CSRNP3: variants seen among roughly 807,000 people sequenced by gnomAD.
CSRNP3 encodes the protein cysteine/serine-rich nuclear protein 3.
A neutral mutation model predicts 48.0 loss-of-function variants in CSRNP3; 12 were observed. The ratio of observed to expected loss-of-function variants is 0.25; its 90% CI spans 0.16 to 0.41. CSRNP3 has a LOEUF of 0.41. Ranked by LOEUF, CSRNP3 falls within the 10% of genes least tolerant of loss-of-function variation. CSRNP3 has a pLI of 1.00. For missense variants in CSRNP3, 580 were observed against 724.4 expected (o/e 0.80, Z 2.29); for synonymous variants, 263 against 269.7 (o/e 0.98, Z 0.24).
chr2:165,656,383 T>C (rs1404835016), intron 4 of CSRNP3, among the ~76,000 whole-genome samples: 1 of 152,214 alleles, frequency 6.6e-6, no homozygotes, highest in Non-Finnish European at 1.5e-5. Flanking sequence ...TGCATCTTGA[T>C]GTTCCTGTAA....
At chr2:165,512,487 A>G (rs957560872) in intron 2 of CSRNP3, among the ~76,000 whole-genome samples, 4 of 152,242 alleles carry the variant, frequency 2.6e-5, no homozygotes, top group Non-Finnish European at 5.9e-5. Flanking sequence ...GGAAGAATCC[A>G]TGGTGACCAC....
intron 3 of CSRNP3, among the ~76,000 whole-genome samples, chr2:165,575,163 T>G (rs1685428315): frequency 6.6e-6 from 1 of 152,212 alleles, no homozygotes; most frequent in South Asian, 2.1e-4. Context: ...AAAGTCTTCT[T>G]TCCATGCACG....
intron 3 of CSRNP3, among the ~76,000 whole-genome samples, chr2:165,540,076 GC>G (rs1684933817): frequency 6.6e-6 from 1 of 152,056 alleles, no homozygotes; most frequent in African/African-American, 2.4e-5. Context: ...AGACTCTCCA[GC>G]CCAAACCTCT....
intron 4 of CSRNP3, among the ~76,000 whole-genome samples, chr2:165,654,769 G>A (rs768208482): frequency 1.7e-4 from 26 of 152,174 alleles, no homozygotes; most frequent in Non-Finnish European, 3.2e-4. Flanking sequence ...AGCTGGGATT[G>A]CAGGCGTGAG....
intron 2 of CSRNP3, among the ~76,000 whole-genome samples, chr2:165,503,021 A>T (rs1462784840): frequency 2.0e-5 from 3 of 151,896 alleles, no homozygotes; most frequent in Non-Finnish European, 2.9e-5. Context: ...TTATAATATT[A>T]AGGATTAGTT....
At chr2:165,602,321 C>G (rs979983473) in intron 4 of CSRNP3, among the ~76,000 whole-genome samples, 2 of 152,070 alleles carry the variant, frequency 1.3e-5, no homozygotes, top group African/African-American at 2.4e-5. Flanking sequence ...GATAAAGGTG[C>G]CTCTGAAAAT....
chr2:165,552,969 C>T (rs551421536), intron 3 of CSRNP3, among the ~76,000 whole-genome samples: 2 of 152,268 alleles, frequency 1.3e-5, no homozygotes, highest in East Asian at 3.9e-4. Context: ...GCTGGGATTA[C>T]AGGTGTGAGC....
At chr2:165,574,106 T>G in intron 3 of CSRNP3, 2 of 468,422 alleles carry the variant, frequency 4.3e-6, no homozygotes. Flanking sequence ...CCCCATCCTG[T>G]ATTCCTGCTC....
chr2:165,567,542 A>G (rs1685314016), intron 3 of CSRNP3, among the ~76,000 whole-genome samples: 1 of 152,098 alleles, frequency 6.6e-6, no homozygotes, highest in South Asian at 2.1e-4. Flanking sequence ...TTAAGCTAAC[A>G]TCTGCTGCTT....
intron 3 of CSRNP3, among the ~76,000 whole-genome samples, chr2:165,572,998 T>G (rs1685395402): frequency 6.6e-6 from 1 of 152,108 alleles, no homozygotes; most frequent in African/African-American, 2.4e-5. Flanking sequence ...AGATAATATA[T>G]CATTCAAAAT....
At chr2:165,549,043 T>G (rs1685066263) in intron 3 of CSRNP3, among the ~76,000 whole-genome samples, 1 of 150,918 alleles carries the variant, frequency 6.6e-6, no homozygotes, top group Non-Finnish European at 1.5e-5. Flanking sequence ...AAGGTTATTA[T>G]AGCTTATTTG....
chr2:165,527,731 G>A (rs13386996), intron 3 of CSRNP3, among the ~76,000 whole-genome samples: 14,757 of 152,058 alleles, frequency 0.097, 955 homozygotes, highest in Middle Eastern at 0.14. Flanking sequence ...TGAAGGGATG[G>A]ACAATCATAA....
At chr2:165,638,769 A>T (rs1465596072) in intron 4 of CSRNP3, among the ~76,000 whole-genome samples, 1 of 152,172 alleles carries the variant, frequency 6.6e-6, no homozygotes, top group South Asian at 2.1e-4. Context: ...TTTGAATGTT[A>T]TTTTTTGTCA....
intron 3 of CSRNP3, among the ~76,000 whole-genome samples, chr2:165,568,391 T>C (rs1685324402): frequency 6.6e-6 from 1 of 152,064 alleles, no homozygotes; most frequent in Admixed American, 6.6e-5. Context: ...TGCCTAAATC[T>C]CCTGTCACCC....
At chr2:165,553,879 AT>A (rs58690878) in intron 3 of CSRNP3, among the ~76,000 whole-genome samples, 1 of 152,132 alleles carries the variant, frequency 6.6e-6, no homozygotes, top group Non-Finnish European at 1.5e-5. Flanking sequence ...TTTTAAAAAA[AT>A]TTACAAATGA....
At chr2:165,477,738 A>T (rs912323122) in intron 1 of CSRNP3, among the ~76,000 whole-genome samples, 1 of 151,030 alleles carries the variant, frequency 6.6e-6, no homozygotes, top group African/African-American at 2.4e-5. Context: ...GCACTTTGGG[A>T]GGCCAAGGCA....
chr2:165,551,644 G>A (rs1168181303), intron 3 of CSRNP3, among the ~76,000 whole-genome samples: 2 of 152,302 alleles, frequency 1.3e-5, no homozygotes, highest in Non-Finnish European at 2.9e-5. Context: ...TGTATTCCCA[G>A]AGGAATTTAA....
At chr2:165,676,182 A>C in intron 5 of CSRNP3, 130 bp from the exon 6 acceptor site, 2 of 723,168 alleles carry the variant, frequency 2.8e-6, no homozygotes, top group South Asian at 3.8e-5. Context: ...GATTAAAAAA[A>C]TGATCTAACA....
In CSRNP3 at chr2:165,683,288, G is replaced by A. The variant is rs1011976314; in HGVS notation, c.*3535G>A. 4 of 151,998 alleles carry A rather than the reference G, an allele frequency of 2.6e-5. No homozygotes were observed. The highest frequency in any genetic ancestry group is 9.7e-5 in the African/African-American group (4 of 41,396). The allele number at this position is 151,998 out of a possible 1,614,324, so 9.4% of individuals were successfully genotyped here. A position where few individuals can be genotyped will look rare whatever the true frequency, so the allele number is the denominator to read the frequency against. ...TCAATGTGACAGCCACATGTAAAAT[G>A]TGAAACTAATGTTTCTTAGTATGTT... On this transcript the variant is annotated 3_prime_UTR_variant, in exon 7 of 7. Coordinates refer to ENST00000651982, the MANE Select transcript of CSRNP3 (RefSeq NM_001172173.2).
Sources: allele counts gnomAD v4.1 joint callset (sites outside exome capture counted in the v4.1 genomes callset), GRCh38; gene constraint gnomAD v4.1.1; transcripts MANE v1.5; gene names NCBI Gene and HGNC (gene_info 2026-07-23, HGNC 2026-07-21).